TNFRSF11A: variants seen among roughly 807,000 people sequenced by gnomAD.
The protein encoded by TNFRSF11A is TNF receptor superfamily member 11a.
In TNFRSF11A, 32 loss-of-function variants were observed where a neutral mutation model predicts 55.7. The ratio of observed to expected loss-of-function variants is 0.57; its 90% CI spans 0.43 to 0.77. The LOEUF (loss-of-function observed/expected upper bound fraction) is 0.77. Ranked by LOEUF, TNFRSF11A falls within the 30% of genes least tolerant of loss-of-function variation. The probability of loss-of-function intolerance (pLI) is 0.00; values close to 1 mark genes in which losing one functional copy is unlikely to be tolerated. For synonymous variants in TNFRSF11A, 311 were observed against 331.0 expected (o/e 0.94, Z 0.65); for missense variants, 753 against 809.8 (o/e 0.93, Z 0.85).
At chr18:62,361,865 G>C in intron 7 of TNFRSF11A, 72 bp downstream of exon 7, 2 of 1,343,262 alleles carry the variant, frequency 1.5e-6, no homozygotes, top group South Asian at 2.3e-5. Flanking sequence ...TTTGGAAGTT[G>C]AGTAGATTGT....
intron 9 of TNFRSF11A, among the ~76,000 whole-genome samples, chr18:62,377,201 C>T (rs1211770279): frequency 6.6e-6 from 1 of 152,222 alleles, no homozygotes; most frequent in African/African-American, 2.4e-5. Flanking sequence ...AGGCGTGAGC[C>T]ACCGTGCCTG....
chr18:62,369,057 G>C lies in TNFRSF11A; in HGVS notation c.1140G>C (p.Val380=), dbSNP rs771493139. Residue 380 remains valine, a synonymous_variant, in exon 9 of 10, where the codon GTG becomes GTC. Coordinates refer to ENST00000586569, the MANE Select transcript of TNFRSF11A (RefSeq NM_003839.4). ...CTCCTTTCTCTGAACCCCTGGAGGT[G>C]GGGGAGAATGACAGTTTAAGCCAGT... ...STPPFSEPLE[V]GENDSLSQCF... 1.2e-6 allele frequency: 2 copies of C among 1,614,060 alleles called. No homozygotes were observed. Among genetic ancestry groups the C allele is most frequent in the African/African-American group, 1.3e-5 (1 of 74,944 alleles).
intron 1 of TNFRSF11A, among the ~76,000 whole-genome samples, chr18:62,337,182 A>AT (rs1180286629): frequency 3.3e-5 from 5 of 152,044 alleles, no homozygotes; most frequent in Non-Finnish European, 2.9e-5. Context: ...CCTAAGTTAG[A>AT]TTTTTTTTCT....
chr18:62,325,495 G>C lies in TNFRSF11A; in HGVS notation c.75+68G>C. The C allele has an allele frequency of 9.2e-7, 1 of 1,083,432 alleles. No individual in the cohort carries two copies. Among genetic ancestry groups the C allele is most frequent in the Non-Finnish European group, 1.2e-6 (1 of 863,086 alleles). The allele number at this position is 1,083,432 out of a possible 1,614,324, so 67.1% of individuals were successfully genotyped here. A position where few individuals can be genotyped will look rare whatever the true frequency, so the allele number is the denominator to read the frequency against. The stretch of plus-strand genomic sequence containing the variant: ...TCCTCGGGAGCCCCGGGAAGGGCCG[G>C]GGCCGGCGGCATCCTGGCTCCTCCG... On this transcript the variant is annotated intron_variant, in intron 1 of 9. Coordinates refer to ENST00000586569, the MANE Select transcript of TNFRSF11A (RefSeq NM_003839.4). The surrounding 1 kb of genome is among the most constrained non-coding windows in gnomAD (Gnocchi z 4.7).
At chr18:62,381,935 A>G (rs1009121289) in intron 9 of TNFRSF11A, among the ~76,000 whole-genome samples, 7 of 152,148 alleles carry the variant, frequency 4.6e-5, no homozygotes, top group Non-Finnish European at 1.0e-4. Context: ...CTGCTACGGT[A>G]GAAGCCTTTT....
intron 3 of TNFRSF11A, among the ~76,000 whole-genome samples, chr18:62,352,472 GC>G (rs2046488162): frequency 6.6e-6 from 1 of 152,210 alleles, no homozygotes; most frequent in South Asian, 2.1e-4. Flanking sequence ...ATCTGATCAA[GC>G]CTTTTTTATT....
intron 1 of TNFRSF11A, among the ~76,000 whole-genome samples, chr18:62,329,683 G>A (rs962211025): frequency 1.3e-5 from 2 of 152,162 alleles, no homozygotes; most frequent in Admixed American, 6.5e-5. Flanking sequence ...GTTTAAAACC[G>A]AGTGGGTGTG....
intron 5 of TNFRSF11A, 127 bp from the exon 6 acceptor site, chr18:62,359,828 C>A: frequency 1.3e-6 from 1 of 788,998 alleles, no homozygotes; most frequent in Non-Finnish European, 2.2e-6. Context: ...ACAGGGGATT[C>A]AAATGTCCAA....
chr18:62,325,436 C>G lies in TNFRSF11A; in HGVS notation c.75+9C>G, dbSNP rs1355622513. 2 of 1,256,436 alleles carry G rather than the reference C, an allele frequency of 1.6e-6. No homozygotes were observed. The highest frequency in any genetic ancestry group is 2.0e-6 in the Non-Finnish European group (2 of 988,112). 77.8% of individuals were successfully genotyped at this position (1,256,436 alleles called of 1,614,324 possible). A position where few individuals can be genotyped will look rare whatever the true frequency, so the allele number is the denominator to read the frequency against. On this transcript the variant is annotated intron_variant, in intron 1 of 9. Transcript: ENST00000586569. The surrounding 1 kb of genome is among the most constrained non-coding windows in gnomAD (Gnocchi z 4.7). ...TGCTCGCCCGGCTGCAGGTAAGGAG[C>G]GCCCGCGCCTGCCGGGCCGCGCGGC...
chr18:62,385,023 G>A lies in TNFRSF11A; in HGVS notation c.1840G>A (p.Ala614Thr). 6.8e-7 allele frequency: 1 copy of A among 1,480,732 alleles called. No homozygotes were observed. Among genetic ancestry groups the A allele is most frequent in the Non-Finnish European group, 8.9e-7 (1 of 1,124,830 alleles). The allele number at this position is 1,480,732 out of a possible 1,614,324, so 91.7% of individuals were successfully genotyped here. ...ASRPVQEQGG[A>T]KA is the part of the protein sequence containing the mutation. ...GAGGCCGGTGCAGGAGCAAGGCGGGGCCAAGGCTTGAGCGCCCCCCATGGC... is the reference window on the plus strand; with the variant it reads ...GAGGCCGGTGCAGGAGCAAGGCGGGACCAAGGCTTGAGCGCCCCCCATGGC... The change falls in exon 10 of 10, where the codon GCC (alanine) becomes ACC (threonine). Residue 614 changes from alanine to threonine, a missense_variant. Physicochemically the swap from Ala to Thr is moderately conservative, Grantham distance 58. Around this residue, in one of 3 missense-constraint regions of TNFRSF11A, gnomAD observed 567 missense variants for 596.7 expected, o/e 0.95. Coordinates refer to ENST00000586569, the MANE Select transcript of TNFRSF11A (RefSeq NM_003839.4).
chr18:62,373,215 T>C (rs1427726274), intron 9 of TNFRSF11A, among the ~76,000 whole-genome samples: 1 of 152,204 alleles, frequency 6.6e-6, no homozygotes, highest in Non-Finnish European at 1.5e-5. Context: ...CCCAGCACTT[T>C]GGGAGGCTGA....
intron 9 of TNFRSF11A, among the ~76,000 whole-genome samples, chr18:62,370,899 G>A (rs776895809): frequency 4.0e-5 from 6 of 151,328 alleles, no homozygotes; most frequent in Admixed American, 2.6e-4. Context: ...GCGCGATCTC[G>A]GCTCATTGCA....
In TNFRSF11A at chr18:62,359,938, C is replaced by G. The variant is rs6567272; in HGVS notation, c.522-17C>G. On this transcript the variant is annotated splice_polypyrimidine_tract_variant and intron_variant, in intron 5 of 9. Coordinates refer to ENST00000586569, the MANE Select transcript of TNFRSF11A (RefSeq NM_003839.4). The stretch of plus-strand genomic sequence containing the variant: ...AGCTTATAAAACCAAAGCACTGAAC[C>G]ACCTTTTCCCCCACAGCTGTACCTT... 9.9e-6 allele frequency: 16 copies of G among 1,609,568 alleles called. No individual in the cohort carries two copies. Among genetic ancestry groups the G allele is most frequent in the South Asian group, 7.7e-5 (7 of 90,996 alleles).
At chr18:62,380,785 G>A (rs575347752) in intron 9 of TNFRSF11A, among the ~76,000 whole-genome samples, 22 of 150,132 alleles carry the variant, frequency 1.5e-4, no homozygotes, top group African/African-American at 4.9e-4. Context: ...CAAGCCTCAC[G>A]GCCTTCCAAA....
rs548732334 is a variant in TNFRSF11A at position 62,327,066 on chromosome 18, G to A, written c.75+1639G>A. On this transcript the variant is annotated intron_variant, in intron 1 of 9. Coordinates refer to ENST00000586569, the MANE Select transcript of TNFRSF11A (RefSeq NM_003839.4). ...CGGGTTTGGGGAGGAAGCATATGGT[G>A]AGTAAAGGACATCTTGTCAGGCACA... 4.5e-4 allele frequency among the ~76,000 whole-genome samples: 69 copies of A among 152,228 alleles called. 1 individual carries two copies. The South Asian group carries it at 0.012, about 26-fold the overall frequency.
chr18:62,358,377 GT>G (rs1909429720), intron 5 of TNFRSF11A, 36 bp downstream of exon 5: 2 of 1,585,502 alleles, frequency 1.3e-6, no homozygotes, highest in African/African-American at 1.3e-5. Context: ...GAGATGGTTG[GT>G]TTTTAAACAA....
At chr18:62,381,055 C>T (rs1911253329) in intron 9 of TNFRSF11A, among the ~76,000 whole-genome samples, 1 of 152,154 alleles carries the variant, frequency 6.6e-6, no homozygotes, top group Non-Finnish European at 1.5e-5. Flanking sequence ...TCACCCACTT[C>T]GGCCTCCCAA....
At chr18:62,344,112 G>A (rs767221766) in intron 1 of TNFRSF11A, among the ~76,000 whole-genome samples, 51 of 152,324 alleles carry the variant, frequency 3.3e-4, no homozygotes, top group Middle Eastern at 3.4e-3. Context: ...TTCACCTCCA[G>A]AAGAATGCAC....
At chr18:62,343,269 G>A (rs1460367125) in intron 1 of TNFRSF11A, among the ~76,000 whole-genome samples, 1 of 152,122 alleles carries the variant, frequency 6.6e-6, no homozygotes, top group East Asian at 1.9e-4. Flanking sequence ...TGTTCTTCTA[G>A]GTTACGTTCT....
Sources: allele counts gnomAD v4.1 joint callset (sites outside exome capture counted in the v4.1 genomes callset), GRCh38; gene constraint gnomAD v4.1.1; regional missense constraint gnomAD v4.1.1; non-coding constraint Gnocchi (gnomAD v3.1); transcripts MANE v1.5; gene names NCBI Gene and HGNC (gene_info 2026-07-23, HGNC 2026-07-21).